ATP6V1B2: variants seen among roughly 807,000 people sequenced by gnomAD.
The protein encoded by ATP6V1B2 is V-type proton ATPase subunit B, brain isoform.
In ATP6V1B2, 23 loss-of-function variants were observed where a neutral mutation model predicts 66.7. That is an observed-to-expected ratio of 0.34 (90% CI 0.25 to 0.49). ATP6V1B2 has a LOEUF of 0.49. Among genes scored for constraint, ATP6V1B2 ranks in the 20% least tolerant of loss-of-function variants. The pLI is 0.99. For synonymous variants in ATP6V1B2, 278 were observed against 236.7 expected, an observed-to-expected ratio of 1.17 and a Z score of -1.60; for missense variants, 478 against 650.8, an observed-to-expected ratio of 0.73 and a Z score of 2.89.
intron 1 of ATP6V1B2, among the ~76,000 whole-genome samples, chr8:20,199,039 A>G (rs529686219): frequency 6.6e-6 from 1 of 152,358 alleles, no homozygotes; most frequent in Admixed American, 6.5e-5. Context: ...AAGGTTATAA[A>G]GGTGCAGTAG....
intron 1 of ATP6V1B2, among the ~76,000 whole-genome samples, chr8:20,201,422 G>A (rs1408815599): frequency 1.3e-5 from 2 of 152,192 alleles, no homozygotes; most frequent in Admixed American, 6.5e-5. Flanking sequence ...TAAATCTAGA[G>A]ATAAAAGGTA....
At chr8:20,214,441 T>G in intron 9 of ATP6V1B2, 1 of 157,666 alleles carries the variant, frequency 6.3e-6, no homozygotes, top group East Asian at 1.9e-4. Context: ...CTTTTTGGGA[T>G]TAGGTTAGAT....
At chr8:20,213,041 C>G in intron 9 of ATP6V1B2, 136 bp downstream of exon 9, 4 of 1,231,898 alleles carry the variant, frequency 3.2e-6, no homozygotes, top group Non-Finnish European at 4.5e-6. Context: ...CTTAATAAAT[C>G]AGAAAGGAAA....
intron 13 of ATP6V1B2, 89 bp from the exon 14 acceptor site, chr8:20,220,174 A>G: frequency 1.4e-6 from 2 of 1,432,846 alleles, no homozygotes; most frequent in Non-Finnish European, 1.9e-6. Flanking sequence ...TCTATTTAAT[A>G]CACTGCTAGT....
rs555687707 is a variant in ATP6V1B2 at position 20,209,708 on chromosome 8, G to A, written c.291+177G>A. 1.2e-4 allele frequency among the ~76,000 whole-genome samples: 19 copies of A among 152,276 alleles called. 1 individual carries two copies. The highest frequency in any genetic ancestry group is 6.5e-5 in the Admixed American group (1 of 15,292). ...TTTTTTGCTCAGTGTCACTTAGTCC[G>A]ATAGCAACACTAGTAAGTGGCTTTT... is the stretch of plus-strand genomic sequence containing the variant. On this transcript the variant is annotated intron_variant, in intron 3 of 13. Transcript: ENST00000276390.
intron 1 of ATP6V1B2, among the ~76,000 whole-genome samples, chr8:20,201,141 A>G (rs1460760919): frequency 1.3e-5 from 2 of 152,226 alleles, no homozygotes; most frequent in Non-Finnish European, 2.9e-5. Flanking sequence ...AAGCCAAGAC[A>G]TTTTGGTTGT....
At chr8:20,202,078 G>A (rs2072693591) in intron 1 of ATP6V1B2, among the ~76,000 whole-genome samples, 1 of 152,186 alleles carries the variant, frequency 6.6e-6, no homozygotes, top group African/African-American at 2.4e-5. Context: ...TGTCAGTACT[G>A]CCACATTGGG....
intron 2 of ATP6V1B2, 112 bp downstream of exon 2, chr8:20,204,651 G>C: frequency 3.6e-6 from 3 of 841,710 alleles, no homozygotes; most frequent in South Asian, 1.9e-5. Context: ...TTTAGACTGG[G>C]TGTCAGTCAG....
intron 1 of ATP6V1B2, among the ~76,000 whole-genome samples, chr8:20,202,132 T>C (rs1225397877): frequency 6.6e-6 from 1 of 152,186 alleles, no homozygotes; most frequent in Non-Finnish European, 1.5e-5. Flanking sequence ...AAAACCTGTT[T>C]TGCATACCTA....
chr8:20,212,555 G>A (rs1286203050), intron 8 of ATP6V1B2, among the ~76,000 whole-genome samples: 1 of 152,076 alleles, frequency 6.6e-6, no homozygotes, highest in Admixed American at 6.5e-5. Context: ...CTACCTGCCT[G>A]CCCCACCCCA....
At chr8:20,198,316 A>G (rs533784791) in intron 1 of ATP6V1B2, among the ~76,000 whole-genome samples, 1 of 152,346 alleles carries the variant, frequency 6.6e-6, no homozygotes, top group African/African-American at 2.4e-5. Flanking sequence ...CTGACCAGTT[A>G]ACCAAACTTG....
chr8:20,205,396 G>A (rs1270037934), intron 2 of ATP6V1B2, among the ~76,000 whole-genome samples: 2 of 152,298 alleles, frequency 1.3e-5, no homozygotes. Flanking sequence ...ATAGTATAGT[G>A]GAGATGCAGA....
At chr8:20,201,231 C>G (rs923394311) in intron 1 of ATP6V1B2, among the ~76,000 whole-genome samples, 2 of 152,150 alleles carry the variant, frequency 1.3e-5, no homozygotes, top group African/African-American at 4.8e-5. Flanking sequence ...CACACACCTA[C>G]GGGCTCAAAT....
chr8:20,216,548 C>T, intron 11 of ATP6V1B2, 53 bp downstream of exon 11: 1 of 1,510,968 alleles, frequency 6.6e-7, no homozygotes, highest in Admixed American at 1.8e-5. Context: ...ATCCGTTATT[C>T]TTTAGTGACT....
chr8:20,210,416 C>T lies in ATP6V1B2; in HGVS notation c.362C>T (p.Thr121Ile), dbSNP rs2072781102. The change falls in exon 4 of 14, where the codon ACA becomes ATA. Residue 121 changes from threonine to isoleucine, a missense_variant. Around this residue, in one of 2 missense-constraint regions of ATP6V1B2, gnomAD observed 326 missense variants for 545.6 expected, o/e 0.60. Transcript: ENST00000276390. ...GAGTTTACTGGGGATATTCTCCGAA[C>T]ACCGGTGTCTGAGGATATGCTTGGT... ...SCEFTGDILR[T>I]PVSEDMLGRV... 6.2e-7 allele frequency: 1 copy of T among 1,613,478 alleles called. No homozygotes were observed. Among genetic ancestry groups the T allele is most frequent in the South Asian group, 1.1e-5 (1 of 91,082 alleles).
At chr8:20,203,820 C>T (rs560739139) in intron 1 of ATP6V1B2, 14 of 357,552 alleles carry the variant, frequency 3.9e-5, no homozygotes, top group Admixed American at 2.0e-4. Flanking sequence ...CTGGCAGTAA[C>T]GTTTGACTTT....
At position 20,220,243 on chromosome 8, in the gene ATP6V1B2, T is replaced by C. The variant is rs1009529554; in HGVS notation, c.1397-20T>C. The C allele has an allele frequency of 2.5e-6, 4 of 1,602,580 alleles. No homozygotes were observed. The African/African-American group carries it at 5.4e-5, about 22-fold the overall frequency. ...GTTGGAAGTCATTTGCATTTATTAA[T>C]TCAATCTCAATTTTTTAAGGTCCTT... is the stretch of plus-strand genomic sequence containing the variant. On this transcript the variant is annotated intron_variant, in intron 13 of 13. Coordinates refer to ENST00000276390, the MANE Select transcript of ATP6V1B2 (RefSeq NM_001693.4).
At position 20,220,981 on chromosome 8, in the gene ATP6V1B2, T is replaced by C. The variant is rs944096630; in HGVS notation, c.*579T>C. ...GTGAAAGGAGTTTTCTTTTTCTCTTTAGTACTTACGTATTGGGATTCCTGT... is the reference window on the plus strand; with the variant it reads ...GTGAAAGGAGTTTTCTTTTTCTCTTCAGTACTTACGTATTGGGATTCCTGT... On this transcript the variant is annotated 3_prime_UTR_variant, in exon 14 of 14. Coordinates refer to ENST00000276390, the MANE Select transcript of ATP6V1B2 (RefSeq NM_001693.4). The C allele has an allele frequency of 2.0e-5, 3 of 152,236 alleles. No homozygotes were observed. The highest frequency in any genetic ancestry group is 7.2e-5 in the African/African-American group (3 of 41,466). 9.4% of individuals were successfully genotyped at this position (152,236 alleles called of 1,614,324 possible). A position where few individuals can be genotyped will look rare whatever the true frequency, so the allele number is the denominator to read the frequency against.
At chr8:20,217,182 C>G (rs747846122) in intron 11 of ATP6V1B2, 38 bp from the exon 12 acceptor site, 1 of 1,525,666 alleles carries the variant, frequency 6.6e-7, no homozygotes, top group East Asian at 2.3e-5. Context: ...GAGTTTTGTA[C>G]TTAAATATAG....
Sources: allele counts gnomAD v4.1 joint callset (sites outside exome capture counted in the v4.1 genomes callset), GRCh38; gene constraint gnomAD v4.1.1; regional missense constraint gnomAD v4.1.1; transcripts MANE v1.5; gene names NCBI Gene and HGNC (gene_info 2026-07-23, HGNC 2026-07-21).